Variants in GPC3 observed in about 807,000 individuals in gnomAD.
GPC3 encodes glypican 3.
GPC3 carries 3 observed loss-of-function variants against 34.4 expected under a neutral mutation model. The observed-to-expected ratio is 0.09, with a 90% confidence interval of 0.04 to 0.23. The LOEUF is 0.23. GPC3 is among the 10% of genes least tolerant of loss of function. The pLI, the probability that GPC3 is intolerant of heterozygous loss-of-function variation, is 1.00. For synonymous variants in GPC3, 177 were observed against 174.0 expected, an observed-to-expected ratio of 1.02 and a Z score of -0.13; for missense variants, 351 against 445.6, an observed-to-expected ratio of 0.79 and a Z score of 1.91.
intron 6 of GPC3, among the ~76,000 whole-genome samples, chrX:133,658,281 A>G (rs1468901356): frequency 8.9e-6 from 1 of 112,366 alleles, no homozygotes; most frequent in Admixed American, 9.5e-5. Context: ...AAGGACAAAC[A>G]TTATTTATCC....
At chrX:133,793,007 T>C (rs751636695) in intron 2 of GPC3, among the ~76,000 whole-genome samples, 15 of 110,042 alleles carry the variant, frequency 1.4e-4, no homozygotes, top group Non-Finnish European at 2.5e-4. Flanking sequence ...TTAACTAGAG[T>C]AATGTAATAA....
chrX:133,739,042 G>A (rs185751006), intron 3 of GPC3, among the ~76,000 whole-genome samples: 8 of 111,639 alleles, frequency 7.2e-5, no homozygotes, highest in Non-Finnish European at 1.1e-4. Context: ...TGTCATTACT[G>A]TCTTAGTGTG....
intron 2 of GPC3, among the ~76,000 whole-genome samples, chrX:133,944,597 A>G (rs2076359457): frequency 8.9e-6 from 1 of 112,121 alleles, no homozygotes; most frequent in African/African-American, 3.2e-5. Flanking sequence ...ACACACAAAA[A>G]TGTTACAAGT....
At chrX:133,638,161 C>A (rs1398600238) in intron 6 of GPC3, among the ~76,000 whole-genome samples, 1 of 111,738 alleles carries the variant, frequency 8.9e-6, no homozygotes, top group African/African-American at 3.3e-5. Flanking sequence ...TTTACAAAAG[C>A]AAAGAATGAA....
chrX:133,709,441 A>C, intron 3 of GPC3, among the ~76,000 whole-genome samples: 1 of 111,880 alleles, frequency 8.9e-6, no homozygotes, highest in Non-Finnish European at 1.9e-5. Context: ...ATTTCAGTTC[A>C]TTCTCTTGAA....
At chrX:133,592,684 T>A (rs774775572) in intron 7 of GPC3, among the ~76,000 whole-genome samples, 1 of 111,069 alleles carries the variant, frequency 9.0e-6, no homozygotes, top group East Asian at 2.9e-4. Context: ...GAGGTAACTA[T>A]GGACTGAGAT....
At chrX:133,922,748 C>G (rs1456307926) in intron 2 of GPC3, among the ~76,000 whole-genome samples, 1 of 108,374 alleles carries the variant, frequency 9.2e-6, no homozygotes, top group Non-Finnish European at 1.9e-5. Flanking sequence ...TGTGCAACTT[C>G]CTCTGGATCA....
rs1304241473 is a variant in GPC3, at chrX:133,644,626, A to G, written c.1413+17104T>C. Among the ~76,000 whole-genome samples, 4 of 111,729 alleles carry G rather than the reference A, an allele frequency of 3.6e-5. No individual in the cohort carries two copies. In the East Asian group the frequency reaches 8.3e-4, roughly 23 times the overall value. On this transcript the variant is annotated intron_variant, in intron 6 of 7. Transcript: ENST00000370818. ...TTACTGTAATACTGCTAATGTTTTG[A>G]TATAATTCTTACAGACTTTATTCCA...
intron 2 of GPC3, among the ~76,000 whole-genome samples, chrX:133,784,346 C>A (rs2072081576): frequency 9.0e-6 from 1 of 111,682 alleles, no homozygotes; most frequent in Admixed American, 9.5e-5. Flanking sequence ...GGGGAAAAAC[C>A]CCAGCCTTTA....
At chrX:133,837,089 G>C (rs1372007251) in intron 2 of GPC3, among the ~76,000 whole-genome samples, 1 of 111,765 alleles carries the variant, frequency 8.9e-6, no homozygotes, top group Non-Finnish European at 1.9e-5. Flanking sequence ...GCAAAGGGCT[G>C]GCATGCTTAC....
chrX:133,870,758 A>G (rs576576230), intron 2 of GPC3, among the ~76,000 whole-genome samples: 2 of 111,041 alleles, frequency 1.8e-5, no homozygotes, highest in Non-Finnish European at 3.8e-5. Flanking sequence ...CTCTTCCTCA[A>G]CTCCAATCAA....
intron 2 of GPC3, among the ~76,000 whole-genome samples, chrX:133,759,625 GACATAA>G (rs1305246621): frequency 5.4e-5 from 6 of 111,880 alleles, no homozygotes; most frequent in Non-Finnish European, 1.1e-4. Flanking sequence ...ATATATCATA[GACATAA>G]ACATAAAATG....
intron 2 of GPC3, among the ~76,000 whole-genome samples, chrX:133,774,350 T>G (rs1319613211): frequency 1.8e-5 from 2 of 111,920 alleles, no homozygotes; most frequent in Non-Finnish European, 3.8e-5. Flanking sequence ...AGAATAAAGC[T>G]GAACACTAGT....
At chrX:133,680,777 C>T (rs1430299344) in intron 5 of GPC3, among the ~76,000 whole-genome samples, 2 of 111,436 alleles carry the variant, frequency 1.8e-5, no homozygotes, top group Non-Finnish European at 3.8e-5. Flanking sequence ...GAAGATTGCC[C>T]GAGTTAATCT....
chrX:133,923,404 C>T (rs2076260531), intron 2 of GPC3, among the ~76,000 whole-genome samples: 1 of 111,501 alleles, frequency 9.0e-6, no homozygotes, highest in Non-Finnish European at 1.9e-5. Context: ...AGCAAGAATT[C>T]AAGAGAGAAT....
intron 6 of GPC3, among the ~76,000 whole-genome samples, chrX:133,656,628 G>A (rs903803528): frequency 5.4e-5 from 6 of 111,929 alleles, no homozygotes; most frequent in African/African-American, 9.7e-5. Flanking sequence ...AACATGATTC[G>A]AAAACAGGTC....
At chrX:133,891,650 A>G (rs1396802715) in intron 2 of GPC3, among the ~76,000 whole-genome samples, 2 of 107,804 alleles carry the variant, frequency 1.9e-5, no homozygotes, top group Non-Finnish European at 3.8e-5. Flanking sequence ...TTATTATAAT[A>G]ATAATAGGCA....
intron 2 of GPC3, among the ~76,000 whole-genome samples, chrX:133,941,657 G>T (rs2076345557): frequency 8.9e-6 from 1 of 111,831 alleles, no homozygotes; most frequent in Non-Finnish European, 1.9e-5. Context: ...ACACATCTTT[G>T]ATTCATGCTA....
intron 7 of GPC3, among the ~76,000 whole-genome samples, chrX:133,566,471 T>A (rs992592616): frequency 1.1e-3 from 119 of 111,758 alleles, no homozygotes; most frequent in Non-Finnish European, 1.7e-3. Context: ...TTTCTTTTTT[T>A]AAATAAAAGT....
Sources: allele counts gnomAD v4.1 joint callset (sites outside exome capture counted in the v4.1 genomes callset), GRCh38; gene constraint gnomAD v4.1.1; transcripts MANE v1.5; gene names NCBI Gene and HGNC (gene_info 2026-07-23, HGNC 2026-07-21).